The following HMG20A variants were observed in gnomAD, a reference collection of about 807,000 sequenced individuals.
HMG20A encodes the protein high mobility group protein 20A.
In HMG20A, 17 loss-of-function variants were observed where a neutral mutation model predicts 43.9. The observed-to-expected ratio is 0.39, with a 90% CI of 0.27 to 0.58. The LOEUF is 0.58. Among genes scored for constraint, HMG20A ranks in the 20% least tolerant of loss-of-function variants. The pLI is 0.59. For synonymous variants in HMG20A, 132 were observed against 147.5 expected, an observed-to-expected ratio of 0.89 and a Z score of 0.76; for missense variants, 341 against 438.2, an observed-to-expected ratio of 0.78 and a Z score of 1.98.
intron 6 of HMG20A, among the ~76,000 whole-genome samples, chr15:77,473,746 C>G (rs777728536): frequency 1.3e-5 from 2 of 152,156 alleles, no homozygotes; most frequent in Non-Finnish European, 2.9e-5. Context: ...AGAAGTGAGT[C>G]TCTGTATTTC....
chr15:77,450,207 G>A (rs2073720607), intron 1 of HMG20A, among the ~76,000 whole-genome samples: 2 of 151,962 alleles, frequency 1.3e-5, no homozygotes, highest in Non-Finnish European at 2.9e-5. Flanking sequence ...TCGGCTCACT[G>A]CAAGCTCTGC....
chr15:77,482,342 T>G (rs2072912035), intron 9 of HMG20A: 1 of 152,236 alleles, frequency 6.6e-6, no homozygotes, highest in Non-Finnish European at 1.5e-5. Flanking sequence ...TCTGTCACCT[T>G]TCTTGTAGCT....
chr15:77,434,333 TAAAAAC>T (rs1191482913), intron 1 of HMG20A, among the ~76,000 whole-genome samples: 65 of 130,436 alleles, frequency 5.0e-4, no homozygotes, highest in African/African-American at 1.8e-3. Flanking sequence ...TTTATGAAAT[TAAAAAC>T]TTCATAAACT....
At chr15:77,438,986 G>A (rs1022619389) in intron 1 of HMG20A, among the ~76,000 whole-genome samples, 1 of 151,806 alleles carries the variant, frequency 6.6e-6, no homozygotes, top group African/African-American at 2.4e-5. Context: ...GTAGAGACGG[G>A]GTATCACCGT....
intron 1 of HMG20A, among the ~76,000 whole-genome samples, chr15:77,434,537 CAAAT>C (rs1451388141): frequency 6.6e-6 from 1 of 151,954 alleles, no homozygotes; most frequent in Non-Finnish European, 1.5e-5. Flanking sequence ...TAGGAAAAAA[CAAAT>C]AATCAAATTT....
chr15:77,459,186 A>T (rs539765609), intron 2 of HMG20A, among the ~76,000 whole-genome samples: 1 of 152,316 alleles, frequency 6.6e-6, no homozygotes, highest in East Asian at 1.9e-4. Context: ...ATACTTTGTA[A>T]TTCTGTTTCC....
At chr15:77,436,987 A>G (rs949611330) in intron 1 of HMG20A, among the ~76,000 whole-genome samples, 1 of 152,058 alleles carries the variant, frequency 6.6e-6, no homozygotes, top group Admixed American at 6.6e-5. Context: ...ATTTTTCTCC[A>G]GCCACAAGCC....
chr15:77,449,200 C>T (rs910258229), intron 1 of HMG20A, among the ~76,000 whole-genome samples: 2 of 152,024 alleles, frequency 1.3e-5, no homozygotes, highest in African/African-American at 4.8e-5. Context: ...CTTGAAGCAG[C>T]AAGCCTTATG....
chr15:77,458,508 CT>C lies in HMG20A; in HGVS notation c.89+15del. 6.4e-7 allele frequency: 1 copy of C among 1,567,466 alleles called. No homozygotes were observed. The highest frequency in any genetic ancestry group is 8.8e-7 in the Non-Finnish European group (1 of 1,138,122). On this transcript the variant is annotated intron_variant, in intron 2 of 9. Coordinates refer to ENST00000336216, the MANE Select transcript of HMG20A (RefSeq NM_001304504.2). ...CTGGCTACCACTGGGTAAGCAGCTG[CT>C]TTAGGACACTGGACTTCTCCATAGG...
chr15:77,479,132 C>T, intron 8 of HMG20A, 47 bp from the exon 9 acceptor site: 1 of 1,590,146 alleles, frequency 6.3e-7, no homozygotes, highest in South Asian at 1.1e-5. Context: ...TTTTATGGTA[C>T]AACTGAATAG....
chr15:77,447,768 A>G (rs1313598141), intron 1 of HMG20A: 5 of 152,238 alleles, frequency 3.3e-5, no homozygotes, highest in Non-Finnish European at 5.9e-5. Flanking sequence ...AAGCAAAGCT[A>G]CACATCACTT....
At position 77,483,605 on chromosome 15, in the gene HMG20A, C is replaced by T. The variant is rs1026071283; in HGVS notation, c.*642C>T. 2 of 152,714 alleles carry T rather than the reference C, an allele frequency of 1.3e-5. No homozygotes were observed. The highest frequency in any genetic ancestry group is 2.4e-5 in the African/African-American group (1 of 41,440). The allele number at this position is 152,714 out of a possible 1,614,324, so 9.5% of individuals were successfully genotyped here. On this transcript the variant is annotated 3_prime_UTR_variant, in exon 10 of 10. Coordinates refer to ENST00000336216, the MANE Select transcript of HMG20A (RefSeq NM_001304504.2). ...TGTGGAGCAAGGCTGTGTTTCCTAC[C>T]CCACACGGTGCTCAGTGGGTGCCAG...
intron 6 of HMG20A, among the ~76,000 whole-genome samples, chr15:77,476,541 C>A (rs2072858385): frequency 1.5e-5 from 2 of 130,390 alleles, no homozygotes; most frequent in African/African-American, 2.9e-5. Context: ...AGGAAAGATA[C>A]ATTCTGTCTA....
the HMG20A span, among the ~76,000 whole-genome samples, chr15:77,510,545 C>T: frequency 6.6e-6 from 1 of 152,222 alleles, no homozygotes; most frequent in South Asian, 2.1e-4. Flanking sequence ...CTCCAGTTTC[C>T]AGCCTGACCT....
At chr15:77,508,747 G>T in the HMG20A span, among the ~76,000 whole-genome samples, 1 of 152,238 alleles carries the variant, frequency 6.6e-6, no homozygotes, top group Non-Finnish European at 1.5e-5. Flanking sequence ...AAGTTTTGGA[G>T]AAATTATCCA....
intron 4 of HMG20A, among the ~76,000 whole-genome samples, chr15:77,469,670 T>C (rs1245079346): frequency 6.6e-6 from 1 of 152,066 alleles, no homozygotes; most frequent in East Asian, 1.9e-4. Context: ...TTTGTTTGTT[T>C]GTTTGTTTGT....
At chr15:77,512,713 G>A in the HMG20A span, among the ~76,000 whole-genome samples, 2 of 151,796 alleles carry the variant, frequency 1.3e-5, no homozygotes, top group African/African-American at 4.8e-5. Context: ...TAAACCTACT[G>A]GGTAAATTTT....
At chr15:77,430,261 G>A (rs940500689) in intron 1 of HMG20A, among the ~76,000 whole-genome samples, 1 of 152,308 alleles carries the variant, frequency 6.6e-6, no homozygotes, top group East Asian at 1.9e-4. Flanking sequence ...AACTTCAAAT[G>A]TTTAAATACT....
intron 1 of HMG20A, among the ~76,000 whole-genome samples, chr15:77,428,467 A>G (rs1450099230): frequency 1.3e-5 from 2 of 152,254 alleles, no homozygotes; most frequent in Admixed American, 6.5e-5. Flanking sequence ...TATTCAAAGC[A>G]TAGCGTGTAA....
Sources: gnomAD v4.1 joint callset for allele counts (sites outside exome capture counted in the v4.1 genomes callset) on GRCh38, gnomAD v4.1.1 for gene constraint, MANE v1.5 for transcripts, NCBI Gene and HGNC (gene_info 2026-07-23, HGNC 2026-07-21) for gene names.